Variants in OPRD1 observed in about 807,000 individuals in gnomAD.
The protein encoded by OPRD1 is delta-type opioid receptor.
In OPRD1, 19 loss-of-function variants were observed where a neutral mutation model predicts 17.5. The ratio of observed to expected loss-of-function variants is 1.09; its 90% CI spans 0.76 to 1.60. The LOEUF (loss-of-function observed/expected upper bound fraction) is 1.60, where lower values mean the gene tolerates loss of function less well. Ranked by LOEUF, OPRD1 falls within the 40% of genes most tolerant of loss-of-function variation. OPRD1 has a pLI of 0.00. For synonymous variants in OPRD1, 256 were observed against 240.9 expected, an observed-to-expected ratio of 1.06 and a Z score of -0.58; for missense variants, 483 against 547.2, an observed-to-expected ratio of 0.88 and a Z score of 1.17.
At chr1:28,816,719 C>T (rs1208594327) in intron 1 of OPRD1, among the ~76,000 whole-genome samples, 1 of 152,102 alleles carries the variant, frequency 6.6e-6, no homozygotes, top group African/African-American at 2.4e-5. Flanking sequence ...AGCACGATGA[C>T]TCGTGCTGGC....
At chr1:28,851,473 A>G (rs897494143) in intron 1 of OPRD1, among the ~76,000 whole-genome samples, 1 of 152,254 alleles carries the variant, frequency 6.6e-6, no homozygotes, top group African/African-American at 2.4e-5. Flanking sequence ...AAATGAAGGC[A>G]TAGATCAAGA....
intron 1 of OPRD1, among the ~76,000 whole-genome samples, chr1:28,833,803 A>T (rs1356612511): frequency 2.0e-5 from 3 of 152,126 alleles, no homozygotes; most frequent in African/African-American, 7.2e-5. Flanking sequence ...CATCTACCAA[A>T]TGCCGTGGTA....
chr1:28,832,817 G>T (rs1384906752), intron 1 of OPRD1, among the ~76,000 whole-genome samples: 1 of 152,176 alleles, frequency 6.6e-6, no homozygotes, highest in Non-Finnish European at 1.5e-5. Context: ...TCAAATGAGA[G>T]AACATGTGTG....
intron 1 of OPRD1, among the ~76,000 whole-genome samples, chr1:28,819,717 A>G (rs866644843): frequency 6.6e-6 from 1 of 152,192 alleles, no homozygotes; most frequent in Non-Finnish European, 1.5e-5. Flanking sequence ...TCTGACTCCA[A>G]AATCACTCCA....
chr1:28,839,615 C>T (rs2088879544), intron 1 of OPRD1, among the ~76,000 whole-genome samples: 1 of 152,106 alleles, frequency 6.6e-6, no homozygotes, highest in Non-Finnish European at 1.5e-5. Context: ...ACGTTCTCAC[C>T]TTGTTGCTGT....
At position 28,812,504 on chromosome 1, in the gene OPRD1, C is replaced by T. The variant is rs1020204624; in HGVS notation, c.121C>T (p.Arg41Trp). 20 of 1,565,282 alleles carry T rather than the reference C, an allele frequency of 1.3e-5. No homozygotes were observed. Among genetic ancestry groups the T allele is most frequent in the Non-Finnish European group, 1.5e-5 (17 of 1,164,402 alleles). Residue 41 changes from arginine to tryptophan, a missense_variant, in exon 1 of 3, where the codon CGG becomes TGG. Transcript: ENST00000234961. The part of the protein sequence containing the change: ...GANASGPPGA[R>W]SASSLALAIA... ...CAATGCGTCGGGGCCGCCAGGCGCGCGGAGCGCCTCGTCCCTCGCCCTGGC... is the reference window on the plus strand; with the variant it reads ...CAATGCGTCGGGGCCGCCAGGCGCGTGGAGCGCCTCGTCCCTCGCCCTGGC...
At chr1:28,819,916 A>T (rs2088698077) in intron 1 of OPRD1, among the ~76,000 whole-genome samples, 1 of 152,134 alleles carries the variant, frequency 6.6e-6, no homozygotes. Context: ...CTGGAATTAC[A>T]TCCCAGCGGT....
At chr1:28,831,002 C>G (rs772472165) in intron 1 of OPRD1, among the ~76,000 whole-genome samples, 4 of 152,260 alleles carry the variant, frequency 2.6e-5, no homozygotes, top group African/African-American at 7.2e-5. Context: ...CCTGGCCCCA[C>G]CAGATGCTGT....
chr1:28,825,976 G>A (rs1406156815), intron 1 of OPRD1, among the ~76,000 whole-genome samples: 1 of 152,226 alleles, frequency 6.6e-6, no homozygotes, highest in Non-Finnish European at 1.5e-5. Flanking sequence ...GGATGCAACA[G>A]TGATGAAGAC....
At chr1:28,854,557 G>T (rs2089037432) in intron 1 of OPRD1, among the ~76,000 whole-genome samples, 1 of 152,042 alleles carries the variant, frequency 6.6e-6, no homozygotes, top group African/African-American at 2.4e-5. Context: ...AACTTACGTG[G>T]GTGATGAATT....
intron 1 of OPRD1, among the ~76,000 whole-genome samples, chr1:28,839,220 G>T (rs1012308699): frequency 6.6e-6 from 1 of 152,138 alleles, no homozygotes; most frequent in African/African-American, 2.4e-5. Context: ...ATCTTTCCTT[G>T]CTTCTTCCCG....
chr1:28,817,198 T>C (rs2088677827), intron 1 of OPRD1, among the ~76,000 whole-genome samples: 1 of 152,218 alleles, frequency 6.6e-6, no homozygotes, highest in Admixed American at 6.5e-5. Context: ...TGCTACTTAC[T>C]AAGAGCTTTA....
At chr1:28,837,202 G>A (rs2088860582) in intron 1 of OPRD1, among the ~76,000 whole-genome samples, 1 of 152,124 alleles carries the variant, frequency 6.6e-6, no homozygotes, top group African/African-American at 2.4e-5. Flanking sequence ...TAGGGTTCAC[G>A]CTCCTATGAG....
chr1:28,858,544 C>CT (rs1168180514), intron 1 of OPRD1, among the ~76,000 whole-genome samples: 13,099 of 133,500 alleles, frequency 0.098, 1,022 homozygotes, highest in African/African-American at 0.2. Flanking sequence ...TGCCCCAACC[C>CT]TTTTTTTTTT....
intron 1 of OPRD1, among the ~76,000 whole-genome samples, chr1:28,832,588 G>T (rs1484422019): frequency 6.6e-6 from 1 of 151,154 alleles, no homozygotes; most frequent in Non-Finnish European, 1.5e-5. Context: ...CTGCACTCTA[G>T]CCTGGGTGGT....
chr1:28,847,760 G>T (rs1400601720), intron 1 of OPRD1, among the ~76,000 whole-genome samples: 1 of 152,038 alleles, frequency 6.6e-6, no homozygotes, highest in African/African-American at 2.4e-5. Flanking sequence ...GAGCCCAGAA[G>T]GCCAAAGCTA....
intron 1 of OPRD1, among the ~76,000 whole-genome samples, chr1:28,851,175 A>G (rs1461289338): frequency 6.6e-6 from 1 of 152,196 alleles, no homozygotes; most frequent in Non-Finnish European, 1.5e-5. Flanking sequence ...TACCAGGGAT[A>G]AAGAGAGGAA....
At chr1:28,861,321 G>T (rs1372322416) in intron 2 of OPRD1, among the ~76,000 whole-genome samples, 3 of 152,028 alleles carry the variant, frequency 2.0e-5, no homozygotes, top group Admixed American at 2.0e-4. Context: ...TGTTCATCCA[G>T]CCCAAGCCCA....
chr1:28,862,203 T>C (rs204077), intron 2 of OPRD1, among the ~76,000 whole-genome samples: 100,911 of 151,886 alleles, frequency 0.66, 33,947 homozygotes, highest in East Asian at 0.91. Context: ...AGGCGTGAAC[T>C]ACCGCACCTG....
Sources: gnomAD v4.1 joint callset for allele counts (sites outside exome capture counted in the v4.1 genomes callset) on GRCh38, gnomAD v4.1.1 for gene constraint, MANE v1.5 for transcripts, NCBI Gene and HGNC (gene_info 2026-07-23, HGNC 2026-07-21) for gene names.